The following SEPTIN3 variants were observed in gnomAD, a reference collection of about 807,000 sequenced individuals.
The protein encoded by SEPTIN3 is septin 3, also known as neuronal-specific septin-3.
SEPTIN3 carries 15 observed loss-of-function variants against 45.1 expected under a neutral mutation model. The observed-to-expected ratio is 0.33, with a 90% confidence interval of 0.22 to 0.51. The LOEUF (loss-of-function observed/expected upper bound fraction) is 0.51. SEPTIN3 is among the 20% of genes least tolerant of loss of function. The pLI, the probability that SEPTIN3 is intolerant of heterozygous loss-of-function variation, is 0.97. For synonymous variants in SEPTIN3, 148 were observed against 164.8 expected (o/e 0.90, Z 0.78); for missense variants, 289 against 457.2 (o/e 0.63, Z 3.35).
intron 6 of SEPTIN3, among the ~76,000 whole-genome samples, chr22:41,988,698 G>A (rs2078249527): frequency 6.6e-6 from 1 of 152,116 alleles, no homozygotes; most frequent in Non-Finnish European, 1.5e-5. Flanking sequence ...AGCCAAGTTG[G>A]GGTCTCAGAG....
chr22:41,972,719 G>T lies in SEPTIN3; in HGVS notation c.1227G>T (p.Leu409Phe), dbSNP rs2077971632. 2 of 399,056 alleles carry T rather than the reference G, an allele frequency of 5.0e-6. No individual in the cohort carries two copies. The highest frequency in any genetic ancestry group is 4.1e-5 in the African/African-American group (2 of 48,656). The allele number at this position is 399,056 out of a possible 1,614,324, so 24.7% of individuals were successfully genotyped here. ...GTSRLETAMA[L>F]ARVNRAKLGT... ...GTAGGTTGGAAACAGCCATGGCTTTGGCCAGAGTGAACAGAGCCAAGCTGG... is the reference window on the plus strand; with the variant it reads ...GTAGGTTGGAAACAGCCATGGCTTTTGCCAGAGTGAACAGAGCCAAGCTGG... Residue 409 changes from leucine to phenylalanine, a missense_variant, in exon 2 of 12, where the codon TTG becomes TTT. By Grantham distance (22) the Leu-to-Phe change is conservative (BLOSUM62 0). Coordinates refer to ENST00000644076, the MANE Select transcript of SEPTIN3 (RefSeq NM_001363845.2).
intron 1 of SEPTIN3, among the ~76,000 whole-genome samples, chr22:41,970,571 G>A (rs888300465): frequency 6.6e-6 from 1 of 152,062 alleles, no homozygotes; most frequent in African/African-American, 2.4e-5. Context: ...CTGTAGCCTG[G>A]CCTGGACCCC....
chr22:41,974,284 T>G (rs2077991390), intron 2 of SEPTIN3, among the ~76,000 whole-genome samples: 2 of 152,002 alleles, frequency 1.3e-5, no homozygotes, highest in South Asian at 4.1e-4. Flanking sequence ...AATAGGTGTG[T>G]CCACCTTTAA....
intron 5 of SEPTIN3, 41 bp downstream of exon 5, chr22:41,987,328 C>A: frequency 6.6e-7 from 1 of 1,519,198 alleles, no homozygotes; most frequent in Non-Finnish European, 9.1e-7. Context: ...AAAGACTCTG[C>A]TGGGAAGATA....
Position 41,981,634 on chromosome 22 carries a change from TGGCTCTGCAG to T in SEPTIN3, c.1505-5_1509del. 1.2e-6 allele frequency: 2 copies of T among 1,605,124 alleles called. No homozygotes were observed. The highest frequency in any genetic ancestry group is 1.7e-6 in the Non-Finnish European group (2 of 1,174,544). ...ATCACCCCTCCGACCCCTCCCACCT[TGGCTCTGCAG>T]GGCTCCCAGAGACCAGGACGGACGC... On this transcript the variant is annotated splice_acceptor_variant and splice_polypyrimidine_tract_variant and intron_variant, in intron 2 of 11. Transcript: ENST00000644076. LOFTEE classifies it high-confidence loss of function.
intron 7 of SEPTIN3, among the ~76,000 whole-genome samples, chr22:41,990,049 CTT>C (rs753568212): frequency 1.5e-4 from 20 of 133,402 alleles, no homozygotes; most frequent in Non-Finnish European, 3.1e-4. Context: ...GGCATCTTCT[CTT>C]TGTTTTTTTT....
At position 41,994,454 on chromosome 22, in the gene SEPTIN3, GC is replaced by G; in HGVS notation, c.2411+117del. On this transcript the variant is annotated intron_variant, in intron 10 of 11. Coordinates refer to ENST00000644076, the MANE Select transcript of SEPTIN3 (RefSeq NM_001363845.2). The surrounding 1 kb of genome is among the most constrained non-coding windows in gnomAD (Gnocchi z 4.2). Reference sequence around the variant, plus strand: ...CCAGGTCTCTCTGACAGAGCTTTCTGCCCCAGTTCCAGCTCCTGTTGCAAAA... The same window carrying G: ...CCAGGTCTCTCTGACAGAGCTTTCTGCCCAGTTCCAGCTCCTGTTGCAAAA... 6.7e-7 allele frequency: 1 copy of G among 1,502,238 alleles called. No individual in the cohort carries two copies. The highest frequency in any genetic ancestry group is 2.3e-5 in the East Asian group (1 of 44,208). The allele number at this position is 1,502,238 out of a possible 1,614,324, so 93.1% of individuals were successfully genotyped here.
intron 2 of SEPTIN3, chr22:41,977,158 G>C (rs1400688248): frequency 2.1e-6 from 3 of 1,418,196 alleles, no homozygotes; most frequent in Non-Finnish European, 2.8e-6. Flanking sequence ...TCCTGGGGGA[G>C]GGTTTCCGCG....
At chr22:41,996,539 A>G in intron 11 of SEPTIN3, 1 of 1,035,736 alleles carries the variant, frequency 9.7e-7, no homozygotes, top group Non-Finnish European at 1.2e-6. Flanking sequence ...TCAGGTCACC[A>G]GTGACCCCAA....
At chr22:41,986,552 T>C (rs1398863883) in intron 4 of SEPTIN3, among the ~76,000 whole-genome samples, 1 of 151,976 alleles carries the variant, frequency 6.6e-6, no homozygotes. Context: ...CAGGCTGGAG[T>C]GCAGTGGTGC....
chr22:41,992,570 G>A, intron 8 of SEPTIN3, 94 bp from the exon 9 acceptor site: 1 of 737,170 alleles, frequency 1.4e-6, no homozygotes, highest in South Asian at 1.8e-5. Context: ...GTGGTTCAAG[G>A]CTAGAGGACC....
rs760248585 is a variant in SEPTIN3 at position 41,986,087 on chromosome 22, A to G, written c.1800A>G (p.Thr600=). 1.2e-6 allele frequency: 2 copies of G among 1,613,562 alleles called. No homozygotes were observed. The highest frequency in any genetic ancestry group is 1.7e-6 in the Non-Finnish European group (2 of 1,179,746). The change falls in exon 4 of 12, where the codon ACA becomes ACG. Residue 600 remains threonine (T), a synonymous_variant. Transcript: ENST00000644076. ...ACCGGGAGGAGAAGATCCCCAAGAC[A>G]GTGGAGATCAAAGCTATCGGGCATG... ...SWNREEKIPK[T]VEIKAIGHVI...
At chr22:41,986,957 C>A (rs1430458073) in intron 4 of SEPTIN3, among the ~76,000 whole-genome samples, 1 of 151,958 alleles carries the variant, frequency 6.6e-6, no homozygotes, top group Non-Finnish European at 1.5e-5. Flanking sequence ...GCCTGGGTGA[C>A]AGAGTGAGAC....
At position 41,969,493 on chromosome 22, in the gene SEPTIN3, C is replaced by CAG. The variant is rs2077935546; in HGVS notation, c.-201_-200dup. 1 of 152,414 alleles carries CAG rather than the reference C, an allele frequency of 6.6e-6. No individual in the cohort carries two copies. The highest frequency in any genetic ancestry group is 1.9e-4 in the East Asian group (1 of 5,182). The allele number at this position is 152,414 out of a possible 1,614,324, so 9.4% of individuals were successfully genotyped here. On this transcript the variant is annotated 5_prime_UTR_variant, in exon 1 of 12. Transcript: ENST00000644076. ...GGGATGTAGCTGGTGGGACAGTGAG[C>CAG]AGAGGGCTGGGCCCTGTGCCTGGGG...
At chr22:41,979,011 G>T (rs1187009082) in intron 2 of SEPTIN3, among the ~76,000 whole-genome samples, 7 of 152,082 alleles carry the variant, frequency 4.6e-5, no homozygotes, top group Non-Finnish European at 8.8e-5. Context: ...CTGTACTTGG[G>T]GCTGGTGGGT....
intron 1 of SEPTIN3, 55 bp downstream of exon 1, chr22:41,969,732 T>A (rs1297536509): frequency 4.2e-4 from 1 of 2,408 alleles, no homozygotes; most frequent in Non-Finnish European, 8.8e-4. Context: ...GGGAGGGTGG[T>A]GGGGGTGGGG....
intron 2 of SEPTIN3, 69 bp from the exon 3 acceptor site, chr22:41,981,576 C>G (rs1253848960): frequency 2.3e-6 from 3 of 1,320,354 alleles, no homozygotes; most frequent in Admixed American, 4.6e-5. Context: ...AGAAAAATAC[C>G]ATGGTTTCCA....
In SEPTIN3 at chr22:41,972,672, A is replaced by C. The variant is rs12169331; in HGVS notation, c.1180A>C (p.Ile394Leu). The change falls in exon 2 of 12, where the codon ATC becomes CTC. Residue 394 changes from isoleucine (I) to leucine (L), a missense_variant. Physicochemically the swap from Ile to Leu is conservative, Grantham distance 5. Around this residue, in one of 3 missense-constraint regions of SEPTIN3, gnomAD observed 200 missense variants for 315.1 expected, o/e 0.63. Coordinates refer to ENST00000644076, the MANE Select transcript of SEPTIN3 (RefSeq NM_001363845.2). ...ATCAGACCCAGTCAAGCCGGACACA[A>C]TCACAGCTACAGTGGGCACCAGTAG... is the stretch of plus-strand genomic sequence containing the variant. ...ATSDPVKPDT[I>L]TATVGTSRLE... The C allele has an allele frequency of 1.0e-5, 4 of 399,058 alleles. No homozygotes were observed. Among genetic ancestry groups the C allele is most frequent in the African/African-American group, 2.1e-5 (1 of 48,638 alleles). The allele number at this position is 399,058 out of a possible 1,614,324, so 24.7% of individuals were successfully genotyped here.
Position 41,983,452 on chromosome 22 carries a change from C to T in SEPTIN3, c.1696+1616C>T, listed in dbSNP as rs186053107. Among the ~76,000 whole-genome samples, 6 of 152,332 alleles carry T rather than the reference C, an allele frequency of 3.9e-5. No individual in the cohort carries two copies. In the East Asian group the frequency reaches 1.2e-3, roughly 29 times the overall value. On this transcript the variant is annotated intron_variant, in intron 3 of 11. Transcript: ENST00000644076. ...CAAATAATCTTCCCACCTTGCAAAACTTATCGAGTCACCCAACTTACTTAA... is the reference window on the plus strand; with the variant it reads ...CAAATAATCTTCCCACCTTGCAAAATTTATCGAGTCACCCAACTTACTTAA...
Sources: gnomAD v4.1 joint callset for allele counts (sites outside exome capture counted in the v4.1 genomes callset) on GRCh38, gnomAD v4.1.1 for gene constraint, gnomAD v4.1.1 regional missense constraint, Gnocchi (gnomAD v3.1) non-coding constraint, MANE v1.5 for transcripts, NCBI Gene and HGNC (gene_info 2026-07-23, HGNC 2026-07-21) for gene names.